SPINK7: variants seen among roughly 807,000 people sequenced by gnomAD.
SPINK7 encodes serine peptidase inhibitor Kazal type 7.
SPINK7 carries 8 observed loss-of-function variants against 11.6 expected under a neutral mutation model. That is an observed-to-expected ratio of 0.69 (90% CI 0.41 to 1.25). SPINK7 has a LOEUF of 1.25. SPINK7 is among the 50% of genes most tolerant of loss of function. SPINK7 has a pLI of 0.01. For synonymous variants in SPINK7, 38 were observed against 35.3 expected, an observed-to-expected ratio of 1.08 and a Z score of -0.27; for missense variants, 113 against 99.3, an observed-to-expected ratio of 1.14 and a Z score of -0.58.
chr5:148,314,257 G>C (rs1756901634), intron 3 of SPINK7, 33 bp downstream of exon 3: 1 of 1,611,552 alleles, frequency 6.2e-7, no homozygotes, highest in Non-Finnish European at 8.5e-7. Context: ...ATGAGATCTG[G>C]AGTCAGTGCT....
intron 3 of SPINK7, 56 bp downstream of exon 3, chr5:148,314,280 C>G: frequency 6.3e-7 from 1 of 1,582,958 alleles, no homozygotes; most frequent in Non-Finnish European, 8.7e-7. Flanking sequence ...CTACTACAAA[C>G]GCTTCTACTT....
chr5:148,314,338 C>T, intron 3 of SPINK7, 114 bp downstream of exon 3: 3 of 1,211,224 alleles, frequency 2.5e-6, no homozygotes, highest in Non-Finnish European at 3.5e-6. Flanking sequence ...ATAATTATTC[C>T]CACCCAGAAC....
In SPINK7 at chr5:148,312,556, T is replaced by A. The variant is rs749505567; in HGVS notation, c.61+12T>A. ...CTGTAGCAGCTCAGGTAAGTTAAGG[T>A]CAGACAGTGCCCTATATAGCCATTA... On this transcript the variant is annotated intron_variant, in intron 1 of 3. Transcript: ENST00000274565. The A allele has an allele frequency of 6.4e-7, 1 of 1,550,692 alleles. No homozygotes were observed. Among genetic ancestry groups the A allele is most frequent in the South Asian group, 1.1e-5 (1 of 89,150 alleles).
intron 1 of SPINK7, 73 bp from the exon 2 acceptor site, chr5:148,313,301 T>A (rs1207927785): frequency 1.6e-5 from 19 of 1,192,018 alleles, no homozygotes; most frequent in Non-Finnish European, 2.2e-5. Context: ...TTATATAGGA[T>A]GAAACTTATA....
At chr5:148,314,058 G>A (rs1449397093) in intron 2 of SPINK7, 42 bp from the exon 3 acceptor site, 1 of 1,612,536 alleles carries the variant, frequency 6.2e-7, no homozygotes, top group Non-Finnish European at 8.5e-7. Context: ...CCTAGCTTGG[G>A]GTCTGGGAGA....
Position 148,313,373 on chromosome 5 carries a change from G to A in SPINK7, c.62-1G>A. 6.3e-7 allele frequency: 1 copy of A among 1,599,776 alleles called. No individual in the cohort carries two copies. Among genetic ancestry groups the A allele is most frequent in the Non-Finnish European group, 8.5e-7 (1 of 1,171,010 alleles). Reference sequence around the variant, plus strand: ...CATCTTCATCTGTATCTCTTTTTCAGAAGCTGCTAGTCTGTCTCCAAAAAA... The same window carrying A: ...CATCTTCATCTGTATCTCTTTTTCAAAAGCTGCTAGTCTGTCTCCAAAAAA... On this transcript the variant is annotated splice_acceptor_variant, in intron 1 of 3. Coordinates refer to ENST00000274565, the MANE Select transcript of SPINK7 (RefSeq NM_032566.3). LOFTEE classifies it high-confidence loss of function.
intron 1 of SPINK7, 79 bp downstream of exon 1, chr5:148,312,623 T>G: frequency 6.4e-6 from 5 of 775,690 alleles, no homozygotes; most frequent in African/African-American, 1.8e-5. Context: ...TGTGAGCATC[T>G]CAGAAACATC....
intron 1 of SPINK7, among the ~76,000 whole-genome samples, 190 bp downstream of exon 1, chr5:148,312,734 T>C (rs543054019): frequency 1.3e-5 from 2 of 152,222 alleles, no homozygotes; most frequent in East Asian, 3.9e-4. Context: ...CAAGGATTCT[T>C]ATTTGCATCC....
chr5:148,313,155 A>C (rs1397559396), intron 1 of SPINK7, among the ~76,000 whole-genome samples: 1 of 152,018 alleles, frequency 6.6e-6, no homozygotes, highest in Non-Finnish European at 1.5e-5. Flanking sequence ...AAATAGAGGA[A>C]ATTTTTATAA....
rs762707790 is a variant in SPINK7 at position 148,314,050 on chromosome 5, T to C, written c.88-50T>C. The C allele has an allele frequency of 5.6e-6, 9 of 1,611,158 alleles. No individual in the cohort carries two copies. The East Asian group carries it at 1.3e-4, about 24-fold the overall frequency. The stretch of plus-strand genomic sequence containing the variant: ...CCTTGTAGTATATCTAATAGTGGCC[T>C]AGCTTGGGGTCTGGGAGAAAAACAG... On this transcript the variant is annotated intron_variant, in intron 2 of 3. Coordinates refer to ENST00000274565, the MANE Select transcript of SPINK7 (RefSeq NM_032566.3).
rs1357184837 is a variant in SPINK7 at position 148,314,099 on chromosome 5, G to C, written c.88-1G>C. ...AGGACATTTGCTTGTATATGACACAGGTGGACTGCAGCATTTACAAGAAGT... is the reference window on the plus strand; with the variant it reads ...AGGACATTTGCTTGTATATGACACACGTGGACTGCAGCATTTACAAGAAGT... On this transcript the variant is annotated splice_acceptor_variant, in intron 2 of 3. Transcript: ENST00000274565. LOFTEE classifies it high-confidence loss of function. 4.3e-6 allele frequency: 7 copies of C among 1,613,638 alleles called. No individual in the cohort carries two copies. Among genetic ancestry groups the C allele is most frequent in the Non-Finnish European group, 5.9e-6 (7 of 1,179,780 alleles).
rs1464802086 is a variant in SPINK7 at position 148,314,144 on chromosome 5, CT to C, written c.133del (p.Cys45AlafsTer27). 16 of 1,613,686 alleles carry C rather than the reference CT, an allele frequency of 9.9e-6. No homozygotes were observed. Among genetic ancestry groups the C allele is most frequent in the African/African-American group, 1.3e-5 (1 of 74,874 alleles). On this transcript the variant is annotated frameshift_variant, in exon 3 of 4. Transcript: ENST00000274565. LOFTEE classifies it high-confidence loss of function. ...AGAAGTATCCAGTGGTGGCCATCCC[CT>C]GCCCCATCACATACCTACCAGTTTG... ...YKKYPVVAIP[C>X]PITYLPVCGS... is the part of the protein sequence containing the mutation.
At position 148,314,817 on chromosome 5, in the gene SPINK7, G is replaced by A. The variant is rs1756909181; in HGVS notation, c.212+593G>A. ...CTAAGTATCTGTAGCTTTAAGGGGG[G>A]AATAAGGCTACAAAAATGATTACTT... On this transcript the variant is annotated intron_variant, in intron 3 of 3. Coordinates refer to ENST00000274565, the MANE Select transcript of SPINK7 (RefSeq NM_032566.3). Among the ~76,000 whole-genome samples, 4 of 152,052 alleles carry A rather than the reference G, an allele frequency of 2.6e-5. No homozygotes were observed. In the South Asian group the frequency reaches 8.3e-4, roughly 31 times the overall value.
At chr5:148,314,367 ACT>A in intron 3 of SPINK7, 143 bp downstream of exon 3, 2 of 929,966 alleles carry the variant, frequency 2.2e-6, no homozygotes. Context: ...GGGATAGAAA[ACT>A]GACTGTTGCA....
chr5:148,313,276 G>A, intron 1 of SPINK7, 98 bp from the exon 2 acceptor site: 1 of 912,136 alleles, frequency 1.1e-6, no homozygotes, highest in Non-Finnish European at 1.6e-6. Context: ...CATTGCTAAA[G>A]GAAATGTAGA....
intron 1 of SPINK7, 142 bp downstream of exon 1, chr5:148,312,686 C>G: frequency 1.8e-6 from 1 of 569,026 alleles, no homozygotes; most frequent in Non-Finnish European, 3.2e-6. Flanking sequence ...TATGTTCCAT[C>G]TGGAGTTTGA....
chr5:148,313,703 T>G (rs1327975957), intron 2 of SPINK7: 2 of 396,332 alleles, frequency 5.0e-6, no homozygotes, highest in Admixed American at 8.1e-5. Context: ...CCTGATAAAT[T>G]GCACAGGCTC....
intron 3 of SPINK7, among the ~76,000 whole-genome samples, chr5:148,315,318 G>C (rs1420500046): frequency 6.6e-6 from 1 of 152,116 alleles, no homozygotes. Context: ...CAAAGGACTT[G>C]CTGACCAGGA....
intron 2 of SPINK7, 155 bp from the exon 3 acceptor site, chr5:148,313,945 T>C: frequency 1.2e-6 from 1 of 831,270 alleles, no homozygotes. Flanking sequence ...CCAGTAGTGC[T>C]AGTATTTGTC....
Sources: gnomAD v4.1 joint callset for allele counts (sites outside exome capture counted in the v4.1 genomes callset) on GRCh38, gnomAD v4.1.1 for gene constraint, MANE v1.5 for transcripts, NCBI Gene and HGNC (gene_info 2026-07-23, HGNC 2026-07-21) for gene names.